Variants in NAA15 observed in about 807,000 individuals in gnomAD.
NAA15 encodes the protein N-terminal acetyltransferase.
A neutral mutation model predicts 114.0 loss-of-function variants in NAA15; 34 were observed. The ratio of observed to expected loss-of-function variants is 0.30; its 90% CI spans 0.23 to 0.40. The LOEUF (loss-of-function observed/expected upper bound fraction) is 0.40, where lower values mean the gene tolerates loss of function less well. NAA15 is among the 10% of genes least tolerant of loss of function. NAA15 has a pLI of 1.00. For missense variants in NAA15, 658 were observed against 1,004.5 expected, an observed-to-expected ratio of 0.66 and a Z score of 4.66; for synonymous variants, 340 against 338.0, an observed-to-expected ratio of 1.01 and a Z score of -0.06.
intron 4 of NAA15, among the ~76,000 whole-genome samples, chr4:139,341,593 C>CAA (rs751688160): frequency 0.18 from 2,646 of 14,364 alleles, 667 homozygotes; most frequent in Non-Finnish European, 0.23. Flanking sequence ...AACTCTGTCT[C>CAA]AAAAAAAAAA....
chr4:139,348,553 T>G (rs1747677735), intron 6 of NAA15, among the ~76,000 whole-genome samples: 1 of 151,820 alleles, frequency 6.6e-6, no homozygotes, highest in African/African-American at 2.4e-5. Flanking sequence ...GAGTGAAGGA[T>G]GCAAGGGTGA....
At position 139,327,821 on chromosome 4, in the gene NAA15, A is replaced by C. The variant is rs1184039095; in HGVS notation, c.55-6353A>C. 2.0e-5 allele frequency among the ~76,000 whole-genome samples: 3 copies of C among 151,356 alleles called. No individual in the cohort carries two copies. In the East Asian group the frequency reaches 5.9e-4, roughly 30 times the overall value. The stretch of plus-strand genomic sequence containing the variant: ...GCTAGCATTACAGGCATGCACCACC[A>C]CACCCCGCTAATTTTGTATTTTTAG... On this transcript the variant is annotated intron_variant, in intron 1 of 19. Coordinates refer to ENST00000296543, the MANE Select transcript of NAA15 (RefSeq NM_057175.5).
At chr4:139,321,629 G>A (rs1746615954) in intron 1 of NAA15, among the ~76,000 whole-genome samples, 1 of 148,424 alleles carries the variant, frequency 6.7e-6, no homozygotes, top group Non-Finnish European at 1.5e-5. Flanking sequence ...CCGCCACCAC[G>A]CCTGGCTAAT....
At chr4:139,312,273 A>G (rs568892156) in intron 1 of NAA15, among the ~76,000 whole-genome samples, 13 of 152,076 alleles carry the variant, frequency 8.5e-5, no homozygotes, top group South Asian at 8.3e-4. Context: ...TAAATTCAGT[A>G]ATAGTTCTCA....
chr4:139,363,653 A>G (rs1042484315), intron 14 of NAA15, among the ~76,000 whole-genome samples: 6 of 152,238 alleles, frequency 3.9e-5, no homozygotes, highest in African/African-American at 1.4e-4. Context: ...GTCCTTGTAC[A>G]TAATTATGTG....
At chr4:139,307,338 G>A (rs933680429) in intron 1 of NAA15, among the ~76,000 whole-genome samples, 3 of 152,124 alleles carry the variant, frequency 2.0e-5, no homozygotes, top group East Asian at 1.9e-4. Context: ...GTTTGATCAC[G>A]GCTCACTGCA....
chr4:139,324,557 T>TA (rs1282423951), intron 1 of NAA15, among the ~76,000 whole-genome samples: 1 of 152,254 alleles, frequency 6.6e-6, no homozygotes, highest in African/African-American at 2.4e-5. Context: ...GAATTGAATG[T>TA]AAAACATATG....
chr4:139,335,510 C>A (rs892739090), intron 2 of NAA15, among the ~76,000 whole-genome samples: 5 of 151,402 alleles, frequency 3.3e-5, no homozygotes, highest in Non-Finnish European at 7.4e-5. Flanking sequence ...GGATTACAGG[C>A]GTGTGCCACC....
intron 1 of NAA15, among the ~76,000 whole-genome samples, chr4:139,327,192 C>T (rs2110878966): frequency 6.6e-6 from 1 of 152,254 alleles, no homozygotes; most frequent in South Asian, 2.1e-4. Flanking sequence ...CTACCTTGGC[C>T]TTCCAAAGTG....
At chr4:139,315,883 A>G (rs1364422841) in intron 1 of NAA15, among the ~76,000 whole-genome samples, 1 of 151,272 alleles carries the variant, frequency 6.6e-6, no homozygotes, top group African/African-American at 2.4e-5. Context: ...CTTTTTTAAA[A>G]AAAAAAATTT....
intron 6 of NAA15, among the ~76,000 whole-genome samples, chr4:139,346,091 C>CTGGGGAG (rs987224100): frequency 1.1e-4 from 16 of 152,068 alleles, no homozygotes; most frequent in African/African-American, 3.9e-4. Flanking sequence ...TTTGTGCTGA[C>CTGGGGAG]TGGGGAGTGA....
At chr4:139,302,003 G>A (rs1202192926) in intron 1 of NAA15, 172 bp downstream of exon 1, 9 of 631,292 alleles carry the variant, frequency 1.4e-5, no homozygotes, top group Non-Finnish European at 2.3e-5. Context: ...TCCTACTATG[G>A]CCCGCGCGCC....
intron 5 of NAA15, among the ~76,000 whole-genome samples, chr4:139,343,383 AT>A (rs1196496122): frequency 6.6e-6 from 1 of 152,212 alleles, no homozygotes; most frequent in African/African-American, 2.4e-5. Context: ...GAATTTACTA[AT>A]TGTCCTAGTT....
intron 1 of NAA15, among the ~76,000 whole-genome samples, chr4:139,326,515 A>G (rs970475343): frequency 1.3e-5 from 2 of 152,208 alleles, no homozygotes; most frequent in African/African-American, 4.8e-5. Context: ...GTACTACATA[A>G]GATTATAGAA....
intron 16 of NAA15, among the ~76,000 whole-genome samples, chr4:139,377,383 A>C (rs1039727664): frequency 6.6e-6 from 1 of 151,954 alleles, no homozygotes; most frequent in Non-Finnish European, 1.5e-5. Flanking sequence ...CTAAAAATAC[A>C]AAAAATTAGC....
At chr4:139,375,223 A>G (rs1441580251) in intron 15 of NAA15, among the ~76,000 whole-genome samples, 1 of 152,190 alleles carries the variant, frequency 6.6e-6, no homozygotes, top group Non-Finnish European at 1.5e-5. Context: ...CGTACCTATG[A>G]GGGCCTTTAT....
chr4:139,383,965 A>G (rs1400572422), intron 17 of NAA15, among the ~76,000 whole-genome samples: 1 of 152,198 alleles, frequency 6.6e-6, no homozygotes, highest in Non-Finnish European at 1.5e-5. Context: ...TCAGCACTAC[A>G]TAGTTGGCTG....
chr4:139,382,211 T>C (rs1748773928), intron 17 of NAA15, among the ~76,000 whole-genome samples: 1 of 152,124 alleles, frequency 6.6e-6, no homozygotes, highest in South Asian at 2.1e-4. Flanking sequence ...TTTTTTATCC[T>C]TTTTGTAATT....
At chr4:139,366,019 ATT>A (rs34106756) in intron 14 of NAA15, among the ~76,000 whole-genome samples, 38,567 of 145,982 alleles carry the variant, frequency 0.26, 5,142 homozygotes, top group African/African-American at 0.35. Context: ...CTCTATTAGA[ATT>A]TTTTTTTTTT....
Sources: allele counts gnomAD v4.1 joint callset (sites outside exome capture counted in the v4.1 genomes callset), GRCh38; gene constraint gnomAD v4.1.1; transcripts MANE v1.5; gene names NCBI Gene and HGNC (gene_info 2026-07-23, HGNC 2026-07-21).